The following CSMD3 variants were observed in gnomAD, a reference collection of about 807,000 sequenced individuals.
CSMD3 encodes CUB and sushi domain-containing protein 3.
CSMD3 carries 177 observed loss-of-function variants against 435.2 expected under a neutral mutation model. That is an observed-to-expected ratio of 0.41 (90% CI 0.36 to 0.46). The LOEUF is 0.46. Ranked by LOEUF, CSMD3 falls within the 20% of genes least tolerant of loss-of-function variation. CSMD3 has a pLI of 0.34. For synonymous variants in CSMD3, 1,656 were observed against 1,520.5 expected, an observed-to-expected ratio of 1.09 and a Z score of -2.07; for missense variants, 4,265 against 4,504.6, an observed-to-expected ratio of 0.95 and a Z score of 1.52.
intron 56 of CSMD3, among the ~76,000 whole-genome samples, chr8:112,290,142 T>C (rs1462113420): frequency 6.6e-6 from 1 of 152,096 alleles, no homozygotes; most frequent in African/African-American, 2.4e-5. Context: ...CTGCTACTCA[T>C]AGCAGAATCA....
chr8:112,658,219 C>T (rs915332768), intron 17 of CSMD3, among the ~76,000 whole-genome samples: 1 of 152,028 alleles, frequency 6.6e-6, no homozygotes, highest in Non-Finnish European at 1.5e-5. Context: ...GTTTGAAATG[C>T]CCACTAATTT....
In CSMD3 at chr8:112,331,180, C is replaced by G. The variant is rs1331696735; in HGVS notation, c.7165+4149G>C. Among the ~76,000 whole-genome samples the G allele has an allele frequency of 3.3e-5, 5 of 151,926 alleles. No homozygotes were observed. The East Asian group carries it at 9.6e-4, about 29-fold the overall frequency. ...ACAAAGTCACTGCAAAAAGAACACT[C>G]AGTTAAAATTTATTTTGAGTAATTT... On this transcript the variant is annotated intron_variant, in intron 45 of 70. Transcript: ENST00000297405.
Position 112,311,047 on chromosome 8 carries a change from T to A in CSMD3, c.7816A>T (p.Ser2606Cys), listed in dbSNP as rs2130813575. ...CDRGFRLVGK[S>C]SAVCRKSSYG... ...GAAGACTTTCTGCACACAGCACTGC[T>A]TTTTCCAACAAGTCGGAATCCTCGA... The change falls in exon 50 of 71, where the codon AGC becomes TGC. Residue 2606 changes from serine (S) to cysteine (C), a missense_variant. By Grantham distance (112) the Ser-to-Cys change is moderately radical. Coordinates refer to ENST00000297405, the MANE Select transcript of CSMD3 (RefSeq NM_198123.2). The A allele has an allele frequency of 6.2e-7, 1 of 1,614,022 alleles. No homozygotes were observed. Among genetic ancestry groups the A allele is most frequent in the Non-Finnish European group, 8.5e-7 (1 of 1,179,922 alleles).
intron 1 of CSMD3, among the ~76,000 whole-genome samples, chr8:113,423,782 C>T (rs994717043): frequency 1.3e-5 from 2 of 151,826 alleles, no homozygotes; most frequent in African/African-American, 4.8e-5. Context: ...CTTGGAAGTG[C>T]TTTCCTTTAG....
intron 13 of CSMD3, among the ~76,000 whole-genome samples, chr8:112,706,265 T>C (rs1412901411): frequency 6.6e-6 from 1 of 152,078 alleles, no homozygotes; most frequent in Admixed American, 6.6e-5. Context: ...ATCTTGAAAT[T>C]GTACTATGTC....
intron 4 of CSMD3, among the ~76,000 whole-genome samples, chr8:113,105,582 C>A (rs2090450634): frequency 6.6e-6 from 1 of 152,136 alleles, no homozygotes; most frequent in African/African-American, 2.4e-5. Flanking sequence ...ATGGTTCCAA[C>A]AAAGCACACA....
chr8:113,399,104 T>TACAC (rs544453240), intron 1 of CSMD3, among the ~76,000 whole-genome samples: 1,338 of 74,896 alleles, frequency 0.018, 12 homozygotes, highest in African/African-American at 0.021. Flanking sequence ...TATATATATA[T>TACAC]ATACACACAC....
intron 13 of CSMD3, among the ~76,000 whole-genome samples, chr8:112,753,203 A>G (rs1000700709): frequency 1.1e-4 from 17 of 152,190 alleles, no homozygotes; most frequent in Admixed American, 1.0e-3. Context: ...CAGAAATAGT[A>G]TATGAGTTAT....
At chr8:113,164,069 G>A (rs2092101123) in intron 4 of CSMD3, among the ~76,000 whole-genome samples, 1 of 151,878 alleles carries the variant, frequency 6.6e-6, no homozygotes, top group Non-Finnish European at 1.5e-5. Context: ...AACTAATCGT[G>A]TTTTCCAGAT....
chr8:112,512,305 T>G (rs2130960807), intron 28 of CSMD3, among the ~76,000 whole-genome samples: 1 of 152,330 alleles, frequency 6.6e-6, no homozygotes, highest in African/African-American at 2.4e-5. Context: ...ATAATGCCAC[T>G]TTAAAATTCA....
At chr8:113,071,271 T>G (rs2089103907) in intron 5 of CSMD3, among the ~76,000 whole-genome samples, 1 of 152,032 alleles carries the variant, frequency 6.6e-6, no homozygotes, top group African/African-American at 2.4e-5. Context: ...TTCTCCTCGT[T>G]CTGCAGCAGG....
chr8:112,635,279 AGTTAG>A (rs1015817901), intron 22 of CSMD3, among the ~76,000 whole-genome samples: 7 of 152,060 alleles, frequency 4.6e-5, no homozygotes, highest in African/African-American at 1.4e-4. Flanking sequence ...CATAACAATG[AGTTAG>A]GTGCTACAGT....
At chr8:112,317,484 G>A (rs1026132495) in intron 47 of CSMD3, among the ~76,000 whole-genome samples, 1 of 151,880 alleles carries the variant, frequency 6.6e-6, no homozygotes, top group African/African-American at 2.4e-5. Context: ...CCCCTCAAAG[G>A]TTGAGCCTCT....
chr8:112,747,463 G>A (rs1019445203), intron 13 of CSMD3, among the ~76,000 whole-genome samples: 1 of 151,904 alleles, frequency 6.6e-6, no homozygotes, highest in African/African-American at 2.4e-5. Flanking sequence ...AGGCAAATAC[G>A]AAAGTTACTT....
chr8:112,313,356 G>C (rs1322359298), intron 49 of CSMD3, among the ~76,000 whole-genome samples: 3 of 152,072 alleles, frequency 2.0e-5, no homozygotes, highest in Non-Finnish European at 4.4e-5. Context: ...CGACATTTAA[G>C]ATATTTTAGC....
At chr8:112,467,455 A>T (rs1220545666) in intron 32 of CSMD3, among the ~76,000 whole-genome samples, 1 of 152,190 alleles carries the variant, frequency 6.6e-6, no homozygotes, top group Non-Finnish European at 1.5e-5. Flanking sequence ...TCTGAATGTC[A>T]GTTTGCAGTC....
intron 5 of CSMD3, among the ~76,000 whole-genome samples, chr8:113,036,017 C>T (rs2131264583): frequency 6.6e-6 from 1 of 151,906 alleles, no homozygotes; most frequent in African/African-American, 2.4e-5. Flanking sequence ...TGAACTGATA[C>T]AATACCCACG....
intron 10 of CSMD3, among the ~76,000 whole-genome samples, chr8:112,913,467 T>C (rs889936240): frequency 6.6e-6 from 1 of 152,062 alleles, no homozygotes; most frequent in African/African-American, 2.4e-5. Context: ...ACAACAGGTC[T>C]GTGCTGGGAG....
At chr8:112,858,012 G>T (rs1435530870) in intron 11 of CSMD3, among the ~76,000 whole-genome samples, 1 of 151,584 alleles carries the variant, frequency 6.6e-6, no homozygotes, top group Non-Finnish European at 1.5e-5. Context: ...GGGCAGAGTA[G>T]GTTTCTGATC....
Sources: allele counts gnomAD v4.1 joint callset (sites outside exome capture counted in the v4.1 genomes callset), GRCh38; gene constraint gnomAD v4.1.1; transcripts MANE v1.5; gene names NCBI Gene and HGNC (gene_info 2026-07-23, HGNC 2026-07-21).